The following SPIRE1 variants were observed in gnomAD, a reference collection of about 807,000 sequenced individuals.
SPIRE1 encodes protein spire homolog 1.
A neutral mutation model predicts 94.1 loss-of-function variants in SPIRE1; 40 were observed. The observed-to-expected ratio is 0.43, with a 90% CI of 0.33 to 0.55. SPIRE1 has a LOEUF of 0.55. SPIRE1 is among the 20% of genes least tolerant of loss of function. The probability of loss-of-function intolerance (pLI) is 0.06; values close to 1 mark genes in which losing one functional copy is unlikely to be tolerated. For synonymous variants in SPIRE1, 376 were observed against 371.7 expected (o/e 1.01, Z -0.13); for missense variants, 838 against 975.2 (o/e 0.86, Z 1.87).
At position 12,493,210 on chromosome 18, in the gene SPIRE1, T is replaced by A. The variant is rs1477534659; in HGVS notation, c.1060-9A>T. On this transcript the variant is annotated splice_polypyrimidine_tract_variant and intron_variant, in intron 7 of 16. Coordinates refer to ENST00000409402, the MANE Select transcript of SPIRE1 (RefSeq NM_001128626.2). ...AGTTTTCTGGCTGAGACCTTGAAAGTAAGAAAAATGGCTAAAGACTTCAGT... is the reference window on the plus strand; with the variant it reads ...AGTTTTCTGGCTGAGACCTTGAAAGAAAGAAAAATGGCTAAAGACTTCAGT... 1 of 1,606,236 alleles carries A rather than the reference T, an allele frequency of 6.2e-7. No homozygotes were observed. The highest frequency in any genetic ancestry group is 8.5e-7 in the Non-Finnish European group (1 of 1,178,242).
chr18:12,537,868 G>T (rs2034888131), intron 3 of SPIRE1, among the ~76,000 whole-genome samples: 1 of 152,118 alleles, frequency 6.6e-6, no homozygotes, highest in Admixed American at 6.6e-5. Flanking sequence ...TAAATAAACA[G>T]AAAGACATCT....
intron 4 of SPIRE1, among the ~76,000 whole-genome samples, chr18:12,515,627 C>T (rs540206001): frequency 6.6e-6 from 1 of 152,306 alleles, no homozygotes; most frequent in South Asian, 2.1e-4. Context: ...GAACAACGTC[C>T]TCTTCCACTA....
intron 2 of SPIRE1, among the ~76,000 whole-genome samples, chr18:12,615,558 C>A (rs1322685051): frequency 4.4e-5 from 4 of 90,762 alleles, no homozygotes; most frequent in Admixed American, 1.0e-4. Context: ...AAAAAAAAAT[C>A]CCAAATTTTA....
At chr18:12,502,872 C>T (rs1598417531) in intron 6 of SPIRE1, among the ~76,000 whole-genome samples, 1 of 152,066 alleles carries the variant, frequency 6.6e-6, no homozygotes, top group East Asian at 1.9e-4. Context: ...GTTTGGGAGG[C>T]TGAGATGGGT....
At chr18:12,553,241 G>T (rs1039870977) in intron 2 of SPIRE1, among the ~76,000 whole-genome samples, 20 of 152,160 alleles carry the variant, frequency 1.3e-4, no homozygotes, top group Non-Finnish European at 1.5e-5. Flanking sequence ...GTACCAGCTT[G>T]GCCACAGTGG....
At chr18:12,476,988 G>A (rs2032629253) in intron 10 of SPIRE1, among the ~76,000 whole-genome samples, 1 of 152,244 alleles carries the variant, frequency 6.6e-6, no homozygotes, top group African/African-American at 2.4e-5. Flanking sequence ...GCAATTTATT[G>A]CTTGCTTCAT....
At chr18:12,521,768 A>AT (rs113799905) in intron 4 of SPIRE1, among the ~76,000 whole-genome samples, 7,751 of 149,438 alleles carry the variant, frequency 0.052, 286 homozygotes, top group Admixed American at 0.088. Flanking sequence ...ACAATATTCC[A>AT]TTTTTTTTTT....
chr18:12,480,500 T>C (rs1358546841), intron 9 of SPIRE1, among the ~76,000 whole-genome samples: 1 of 152,156 alleles, frequency 6.6e-6, no homozygotes, highest in Non-Finnish European at 1.5e-5. Flanking sequence ...CTTTCATCTG[T>C]AAAATGAGGA....
chr18:12,645,932 A>C (rs956072606), intron 1 of SPIRE1, among the ~76,000 whole-genome samples: 35 of 152,132 alleles, frequency 2.3e-4, no homozygotes, highest in African/African-American at 8.4e-4. Flanking sequence ...CACCCACTAC[A>C]AAGAAGACAA....
At chr18:12,626,518 T>C (rs1183206203) in intron 2 of SPIRE1, among the ~76,000 whole-genome samples, 1 of 152,166 alleles carries the variant, frequency 6.6e-6, no homozygotes, top group Non-Finnish European at 1.5e-5. Context: ...AACAGGACTA[T>C]ATCCGTTGGC....
rs541611232 is a variant in SPIRE1 at position 12,559,586 on chromosome 18, C to T, written c.373-12682G>A. On this transcript the variant is annotated intron_variant, in intron 2 of 16. Transcript: ENST00000409402. This position sits in a 1 kb window ranked among gnomAD's most constrained non-coding sequence, Gnocchi z 4.7. ...CCTCAAGCATGGCCAGAGTGGACGC[C>T]GTGGCCTGAGGAGGTGCCAAGAGCG... is the stretch of plus-strand genomic sequence containing the variant. 7.2e-5 allele frequency among the ~76,000 whole-genome samples: 11 copies of T among 152,304 alleles called. No homozygotes were observed. Among genetic ancestry groups the T allele is most frequent in the Middle Eastern group, 3.4e-3 (1 of 294 alleles).
intron 2 of SPIRE1, among the ~76,000 whole-genome samples, chr18:12,578,425 T>C (rs2036168897): frequency 6.6e-6 from 1 of 152,146 alleles, no homozygotes; most frequent in Non-Finnish European, 1.5e-5. Context: ...AAAACACTGC[T>C]GAGCAAAAAA....
At chr18:12,643,690 T>C (rs1487574205) in intron 1 of SPIRE1, among the ~76,000 whole-genome samples, 3 of 152,172 alleles carry the variant, frequency 2.0e-5, no homozygotes, top group South Asian at 2.1e-4. Flanking sequence ...AAAAACAACA[T>C]AGGCTTGACA....
chr18:12,500,870 C>T (rs1013352640), intron 6 of SPIRE1, among the ~76,000 whole-genome samples: 2 of 151,876 alleles, frequency 1.3e-5, no homozygotes, highest in Non-Finnish European at 1.5e-5. Context: ...GTCAGGAGTT[C>T]GAGACCAGCC....
At chr18:12,597,157 T>TACACAA (rs1296328497) in intron 2 of SPIRE1, among the ~76,000 whole-genome samples, 1 of 144,104 alleles carries the variant, frequency 6.9e-6, no homozygotes, top group East Asian at 2.0e-4. Context: ...TGTCTCTTTC[T>TACACAA]ACACACACAC....
chr18:12,603,920 C>T (rs1415785447), intron 2 of SPIRE1, among the ~76,000 whole-genome samples: 1 of 152,130 alleles, frequency 6.6e-6, no homozygotes, highest in East Asian at 1.9e-4. Context: ...CATAACGAAG[C>T]TTCCCTAAAA....
intron 10 of SPIRE1, among the ~76,000 whole-genome samples, chr18:12,468,689 C>CT (rs1213620182): frequency 6.6e-6 from 1 of 152,164 alleles, no homozygotes; most frequent in Non-Finnish European, 1.5e-5. Context: ...TTCTCAGAAT[C>CT]TTTTTTATCT....
chr18:12,563,298 T>C (rs2035738457), intron 2 of SPIRE1, among the ~76,000 whole-genome samples: 2 of 152,072 alleles, frequency 1.3e-5, no homozygotes, highest in Non-Finnish European at 1.5e-5. Context: ...ATAATACAAA[T>C]TTCATACAAC....
chr18:12,494,981 C>T (rs1166086405), intron 7 of SPIRE1, among the ~76,000 whole-genome samples: 4 of 132,198 alleles, frequency 3.0e-5, no homozygotes, highest in South Asian at 2.6e-4. Flanking sequence ...ACCCAGGAGG[C>T]GGAGCTTGCA....
Sources: allele counts gnomAD v4.1 joint callset (sites outside exome capture counted in the v4.1 genomes callset), GRCh38; gene constraint gnomAD v4.1.1; non-coding constraint Gnocchi (gnomAD v3.1); transcripts MANE v1.5; gene names NCBI Gene and HGNC (gene_info 2026-07-23, HGNC 2026-07-21).